The following CDH20 variants were observed in gnomAD, a reference collection of about 807,000 sequenced individuals.
CDH20 encodes cadherin 20.
CDH20 carries 29 observed loss-of-function variants against 74.2 expected under a neutral mutation model. That is an observed-to-expected ratio of 0.39 (90% CI 0.29 to 0.53). The LOEUF is 0.53. Ranked by LOEUF, CDH20 falls within the 20% of genes least tolerant of loss-of-function variation. The pLI is 0.69. For missense variants in CDH20, 988 were observed against 1,048.3 expected (o/e 0.94, Z 0.79); for synonymous variants, 469 against 405.4 (o/e 1.16, Z -1.88).
At chr18:61,442,657 G>A (rs1909072524) in intron 1 of CDH20, among the ~76,000 whole-genome samples, 1 of 152,182 alleles carries the variant, frequency 6.6e-6, no homozygotes, top group African/African-American at 2.4e-5. Flanking sequence ...TTTCACAGAA[G>A]TCAGATCAAA....
intron 1 of CDH20, among the ~76,000 whole-genome samples, chr18:61,388,627 G>T (rs919528176): frequency 6.6e-6 from 1 of 152,114 alleles, no homozygotes. Flanking sequence ...TTGATTAAAG[G>T]TTCTGTAACT....
intron 1 of CDH20, among the ~76,000 whole-genome samples, chr18:61,401,672 T>A (rs1912159317): frequency 6.6e-6 from 1 of 152,232 alleles, no homozygotes; most frequent in African/African-American, 2.4e-5. Context: ...GCATATGCCA[T>A]GGTAACATCT....
At chr18:61,337,543 C>T (rs568825425) in intron 1 of CDH20, among the ~76,000 whole-genome samples, 1 of 152,270 alleles carries the variant, frequency 6.6e-6, no homozygotes, top group East Asian at 1.9e-4. Flanking sequence ...AGTGATTAAT[C>T]TTTCACATTT....
At chr18:61,408,754 C>T (rs532424409) in intron 1 of CDH20, among the ~76,000 whole-genome samples, 1 of 152,118 alleles carries the variant, frequency 6.6e-6, no homozygotes, top group Non-Finnish European at 1.5e-5. Context: ...CCATTTGGTC[C>T]TCTTAATTTA....
At chr18:61,527,067 C>T (rs138645211) in intron 6 of CDH20, among the ~76,000 whole-genome samples, 1 of 152,228 alleles carries the variant, frequency 6.6e-6, no homozygotes, top group East Asian at 1.9e-4. Context: ...GTAATCCCAG[C>T]TACTTAGGAG....
At chr18:61,356,739 C>T (rs1007947316) in intron 1 of CDH20, among the ~76,000 whole-genome samples, 5 of 151,896 alleles carry the variant, frequency 3.3e-5, no homozygotes, top group Non-Finnish European at 5.9e-5. Flanking sequence ...TTTAATGATC[C>T]CTAGCAAAGG....
At chr18:61,404,075 T>G (rs1471603338) in intron 1 of CDH20, among the ~76,000 whole-genome samples, 1 of 151,800 alleles carries the variant, frequency 6.6e-6, no homozygotes, top group Non-Finnish European at 1.5e-5. Flanking sequence ...ACTGTCAGAG[T>G]GGTAGGGGGC....
At chr18:61,476,413 C>A (rs530141073) in intron 1 of CDH20, among the ~76,000 whole-genome samples, 1 of 152,274 alleles carries the variant, frequency 6.6e-6, no homozygotes, top group Non-Finnish European at 1.5e-5. Context: ...TGAAAAACCC[C>A]ACACCAGAAT....
intron 1 of CDH20, among the ~76,000 whole-genome samples, chr18:61,467,612 G>T (rs1354802037): frequency 6.6e-6 from 1 of 152,160 alleles, no homozygotes; most frequent in Non-Finnish European, 1.5e-5. Flanking sequence ...GAGGAAAGAT[G>T]AACATGATAG....
intron 1 of CDH20, among the ~76,000 whole-genome samples, chr18:61,489,054 T>G (rs1322091171): frequency 6.6e-6 from 1 of 152,238 alleles, no homozygotes; most frequent in Non-Finnish European, 1.5e-5. Context: ...CCTTCAGAGC[T>G]GGAGCTCATA....
At chr18:61,439,269 TTAAA>T (rs1908945175) in intron 1 of CDH20, among the ~76,000 whole-genome samples, 1 of 152,138 alleles carries the variant, frequency 6.6e-6, no homozygotes, top group Non-Finnish European at 1.5e-5. Context: ...TGAAATTATT[TTAAA>T]TGTTATTTCA....
At chr18:61,405,699 G>A (rs976776974) in intron 1 of CDH20, among the ~76,000 whole-genome samples, 2 of 152,282 alleles carry the variant, frequency 1.3e-5, no homozygotes, top group East Asian at 1.9e-4. Flanking sequence ...AGCCTGGATC[G>A]ATGTCAGCAG....
intron 1 of CDH20, among the ~76,000 whole-genome samples, chr18:61,420,834 G>T (rs1014777122): frequency 1.3e-5 from 2 of 152,016 alleles, no homozygotes; most frequent in Admixed American, 6.6e-5. Context: ...TGGGTGGATC[G>T]CCTGAGATCA....
chr18:61,385,105 C>T (rs1056663273), intron 1 of CDH20, among the ~76,000 whole-genome samples: 2 of 152,064 alleles, frequency 1.3e-5, no homozygotes, highest in Non-Finnish European at 2.9e-5. Context: ...TCCAAACCTG[C>T]CTTTAATTCA....
chr18:61,493,065 C>A lies in CDH20; in HGVS notation c.246+2266C>A, dbSNP rs570800404. Among the ~76,000 whole-genome samples, 13 of 152,340 alleles carry A rather than the reference C, an allele frequency of 8.5e-5. No individual in the cohort carries two copies. The East Asian group carries it at 1.9e-3, about 23-fold the overall frequency. On this transcript the variant is annotated intron_variant, in intron 2 of 11. Coordinates refer to ENST00000262717, the MANE Select transcript of CDH20 (RefSeq NM_031891.4). ...ATAGTATTAATAGTGGTAATAGTAA[C>A]AGCATTTAAGGAGTTCATTATGGGA...
intron 2 of CDH20, among the ~76,000 whole-genome samples, chr18:61,495,064 G>C (rs1227591604): frequency 6.6e-6 from 1 of 152,104 alleles, no homozygotes; most frequent in African/African-American, 2.4e-5. Flanking sequence ...ACATTCACTT[G>C]TCTTATTCTG....
chr18:61,386,529 C>A (rs962445668), intron 1 of CDH20, among the ~76,000 whole-genome samples: 1 of 152,216 alleles, frequency 6.6e-6, no homozygotes, highest in South Asian at 2.1e-4. Flanking sequence ...GAAGCCCAAA[C>A]GAATTAAGAC....
chr18:61,466,500 G>A (rs1009490), intron 1 of CDH20, among the ~76,000 whole-genome samples: 83,087 of 151,960 alleles, frequency 0.55, 24,067 homozygotes, highest in African/African-American at 0.75. Flanking sequence ...TTCAAGGGCC[G>A]TCTTGTTACG....
chr18:61,466,456 C>T lies in CDH20; in HGVS notation c.-152-23946C>T, dbSNP rs76376819. Among the ~76,000 whole-genome samples the T allele has an allele frequency of 2.2e-4, 33 of 152,250 alleles. 1 individual carries two copies. In the East Asian group the frequency reaches 5.4e-3, roughly 25 times the overall value. On this transcript the variant is annotated intron_variant, in intron 1 of 11. Transcript: ENST00000262717. Reference sequence around the variant, plus strand: ...ATGATGTTCTAGTCACGCAGAGTTACGGGACATGCAGCTCATGATGTCACC... The same window carrying T: ...ATGATGTTCTAGTCACGCAGAGTTATGGGACATGCAGCTCATGATGTCACC...
Sources: allele counts gnomAD v4.1 joint callset (sites outside exome capture counted in the v4.1 genomes callset), GRCh38; gene constraint gnomAD v4.1.1; transcripts MANE v1.5; gene names NCBI Gene and HGNC (gene_info 2026-07-23, HGNC 2026-07-21).